Variants in ZNF131 observed in about 807,000 individuals in gnomAD.
ZNF131 encodes the protein zinc finger and BTB domain containing 35, also known as zinc finger protein 131.
A neutral mutation model predicts 60.0 loss-of-function variants in ZNF131; 7 were observed. The observed-to-expected ratio is 0.12, with a 90% CI of 0.07 to 0.22. ZNF131 has a LOEUF of 0.22. Ranked by LOEUF, ZNF131 falls within the 10% of genes least tolerant of loss-of-function variation. The probability of loss-of-function intolerance (pLI) is 1.00; values close to 1 mark genes in which losing one functional copy is unlikely to be tolerated. For missense variants in ZNF131, 493 were observed against 740.9 expected, an observed-to-expected ratio of 0.67 and a Z score of 3.88; for synonymous variants, 257 against 253.2, an observed-to-expected ratio of 1.01 and a Z score of -0.14.
intron 3 of ZNF131, chr5:43,124,583 C>T (rs2112105609): frequency 6.6e-6 from 1 of 152,148 alleles, no homozygotes; most frequent in South Asian, 2.1e-4. Flanking sequence ...ATCCACAAAA[C>T]TTAATAAAGT....
chr5:43,174,286 A>G (rs1195611155), intron 6 of ZNF131, among the ~76,000 whole-genome samples, 161 bp from the exon 7 acceptor site: 4 of 152,254 alleles, frequency 2.6e-5, no homozygotes, highest in Non-Finnish European at 5.9e-5. Flanking sequence ...AAATGAACCA[A>G]AGAATTATGA....
chr5:43,126,702 C>T (rs1744598873), intron 3 of ZNF131, among the ~76,000 whole-genome samples: 1 of 152,198 alleles, frequency 6.6e-6, no homozygotes, highest in African/African-American at 2.4e-5. Flanking sequence ...CTCTTCCATA[C>T]TCTTCCGATC....
rs945069352 is a variant in ZNF131, at chr5:43,120,980, G to T, written c.-159G>T. The T allele has an allele frequency of 6.6e-6, 1 of 152,246 alleles. No homozygotes were observed. The highest frequency in any genetic ancestry group is 2.4e-5 in the African/African-American group (1 of 41,472). 9.4% of individuals were successfully genotyped at this position (152,246 alleles called of 1,614,324 possible). A position where few individuals can be genotyped will look rare whatever the true frequency, so the allele number is the denominator to read the frequency against. On this transcript the variant is annotated 5_prime_UTR_variant, in exon 1 of 7. Coordinates refer to ENST00000682664, the MANE Select transcript of ZNF131 (RefSeq NM_001330707.2). ...CCAGCGGGGCCCGAGCAGAAGGGGA[G>T]CCCCGGCTCTCACGAAGAAAATGGA... is the stretch of plus-strand genomic sequence containing the variant.
chr5:43,163,394 C>T (rs906783716), intron 5 of ZNF131, among the ~76,000 whole-genome samples: 4 of 152,222 alleles, frequency 2.6e-5, no homozygotes, highest in African/African-American at 9.6e-5. Flanking sequence ...GCCTGGCGGA[C>T]ATCCAGGGAG....
In ZNF131 at chr5:43,175,717, G is replaced by C; in HGVS notation, c.*584G>C. 1 of 109,402 alleles carries C rather than the reference G, an allele frequency of 9.1e-6. No individual in the cohort carries two copies. The highest frequency in any genetic ancestry group is 1.5e-5 in the Non-Finnish European group (1 of 64,856). 6.8% of individuals were successfully genotyped at this position (109,402 alleles called of 1,614,324 possible). A position where few individuals can be genotyped will look rare whatever the true frequency, so the allele number is the denominator to read the frequency against. ...GTGGTGGTGGCAAAATTTCTAGAAT[G>C]TTAAAAAAAAAAAAAAATCCACACC... is the stretch of plus-strand genomic sequence containing the variant. On this transcript the variant is annotated 3_prime_UTR_variant, in exon 7 of 7. Coordinates refer to ENST00000682664, the MANE Select transcript of ZNF131 (RefSeq NM_001330707.2).
chr5:43,139,128 A>T, intron 3 of ZNF131, 37 bp from the exon 4 acceptor site: 1 of 1,461,262 alleles, frequency 6.8e-7, no homozygotes, highest in Non-Finnish European at 9.1e-7. Context: ...ATTTGAGTCA[A>T]TATGATTACA....
intron 5 of ZNF131, among the ~76,000 whole-genome samples, chr5:43,164,295 C>T (rs774301271): frequency 8.5e-5 from 13 of 152,088 alleles, no homozygotes; most frequent in South Asian, 2.1e-4. Flanking sequence ...CTTGAGTGTG[C>T]GTGGATTTTG....
rs147616203 is a variant in ZNF131 at position 43,152,403 on chromosome 5, A to AT, written c.372-8845dup. ...TCAGCTATGAGAATGGTAGTGGAGC[A>AT]TGGTGTTTTGCCTGCGACACACAGG... On this transcript the variant is annotated intron_variant, in intron 4 of 6. Transcript: ENST00000682664. Among the ~76,000 whole-genome samples the AT allele has an allele frequency of 4.1e-3, 625 of 152,288 alleles. 6 individuals are homozygous for AT. The highest frequency in any genetic ancestry group is 0.014 in the African/African-American group (597 of 41,568).
intron 2 of ZNF131, 94 bp downstream of exon 2, chr5:43,122,271 ACCCAT>A (rs1157579201): frequency 1.8e-6 from 2 of 1,129,128 alleles, no homozygotes; most frequent in Non-Finnish European, 2.4e-6. Flanking sequence ...TTTTTTTTTA[ACCCAT>A]CCTCTATGGT....
At chr5:43,167,990 C>T (rs188151449) in intron 5 of ZNF131, 13 of 454,530 alleles carry the variant, frequency 2.9e-5, no homozygotes, top group East Asian at 2.8e-4. Flanking sequence ...CTGCCAGTGG[C>T]GACTCTGCAG....
At chr5:43,129,548 T>C (rs1283315449) in intron 3 of ZNF131, among the ~76,000 whole-genome samples, 9 of 152,228 alleles carry the variant, frequency 5.9e-5, no homozygotes, top group Non-Finnish European at 1.0e-4. Context: ...ACTAATAGTT[T>C]AGCAGCATAG....
At chr5:43,165,860 A>G (rs764398183) in intron 5 of ZNF131, among the ~76,000 whole-genome samples, 1 of 152,266 alleles carries the variant, frequency 6.6e-6, no homozygotes, top group Non-Finnish European at 1.5e-5. Flanking sequence ...TGTTTTGTCT[A>G]CATTGAATAT....
intron 4 of ZNF131, among the ~76,000 whole-genome samples, chr5:43,157,718 C>A (rs1169940329): frequency 6.6e-6 from 1 of 152,180 alleles, no homozygotes; most frequent in Admixed American, 6.5e-5. Context: ...GTTCTGAAGG[C>A]TAAATGTCTG....
In ZNF131 at chr5:43,146,031, C is replaced by G. The variant is rs1328325903; in HGVS notation, c.371+6722C>G. ...ATATTTGTCATCAAAGGAGTGACCA[C>G]AAAAGCAATAACCAAGGGCTTTATG... On this transcript the variant is annotated intron_variant, in intron 4 of 6. Coordinates refer to ENST00000682664, the MANE Select transcript of ZNF131 (RefSeq NM_001330707.2). 2.0e-5 allele frequency among the ~76,000 whole-genome samples: 3 copies of G among 152,060 alleles called. No individual in the cohort carries two copies. The East Asian group carries it at 5.8e-4, about 29-fold the overall frequency.
chr5:43,169,612 G>A (rs1213459784), intron 5 of ZNF131, among the ~76,000 whole-genome samples: 1 of 152,156 alleles, frequency 6.6e-6, no homozygotes, highest in African/African-American at 2.4e-5. Context: ...TCCTGTGGCT[G>A]CACAGTATTT....
intron 4 of ZNF131, among the ~76,000 whole-genome samples, chr5:43,141,429 C>T (rs1257173277): frequency 6.6e-6 from 1 of 152,088 alleles, no homozygotes; most frequent in Non-Finnish European, 1.5e-5. Flanking sequence ...GGCCCTTTTG[C>T]TGCTCATGAT....
intron 3 of ZNF131, among the ~76,000 whole-genome samples, chr5:43,137,273 A>C (rs558041957): frequency 6.6e-6 from 1 of 152,310 alleles, no homozygotes; most frequent in Admixed American, 6.5e-5. Context: ...AGGAAATCTA[A>C]GGAATGGGAG....
intron 3 of ZNF131, chr5:43,123,599 G>GT (rs1744144535): frequency 7.7e-6 from 2 of 260,380 alleles, no homozygotes; most frequent in South Asian, 1.4e-4. Flanking sequence ...GGTGGTCATT[G>GT]TTTTTTGAAA....
At position 43,161,505 on chromosome 5, in the gene ZNF131, G is replaced by C. The variant is rs1421107446; in HGVS notation, c.628G>C (p.Ala210Pro). 3 of 1,614,128 alleles carry C rather than the reference G, an allele frequency of 1.9e-6. No individual in the cohort carries two copies. The highest frequency in any genetic ancestry group is 2.5e-6 in the Non-Finnish European group (3 of 1,180,052). Residue 210 changes from alanine to proline, a missense_variant, in exon 5 of 7, where the codon GCT becomes CCT. Transcript: ENST00000682664. The part of the protein sequence containing the change: ...IQSTGSSDDS[A>P]LALLADITSK... ...GAGCACAGGTTCCTCTGATGATTCTGCTCTAGCACTGTTGGCAGATATTAC... is the reference window on the plus strand; with the variant it reads ...GAGCACAGGTTCCTCTGATGATTCTCCTCTAGCACTGTTGGCAGATATTAC...
Sources: gnomAD v4.1 joint callset for allele counts (sites outside exome capture counted in the v4.1 genomes callset) on GRCh38, gnomAD v4.1.1 for gene constraint, MANE v1.5 for transcripts, NCBI Gene and HGNC (gene_info 2026-07-23, HGNC 2026-07-21) for gene names.